The following JPH3 variants were observed in gnomAD, a reference collection of about 807,000 sequenced individuals.
JPH3 encodes the protein junctophilin-3.
A neutral mutation model predicts 59.6 loss-of-function variants in JPH3; 11 were observed. The observed-to-expected ratio is 0.18, with a 90% CI of 0.12 to 0.31. The LOEUF is 0.31. Ranked by LOEUF, JPH3 falls within the 10% of genes least tolerant of loss-of-function variation. The probability of loss-of-function intolerance (pLI) is 1.00; values close to 1 mark genes in which losing one functional copy is unlikely to be tolerated. For missense variants in JPH3, 1,202 were observed against 1,105.7 expected (o/e 1.09, Z -1.24); for synonymous variants, 673 against 483.6 (o/e 1.39, Z -5.14).
chr16:87,695,008 A>T (rs1046764985), intron 4 of JPH3: 2 of 303,158 alleles, frequency 6.6e-6, no homozygotes, highest in Admixed American at 8.9e-5. Context: ...TGCTGCCGGG[A>T]GTGTGTGCAC....
chr16:87,614,117 G>T (rs968770569), intron 1 of JPH3, among the ~76,000 whole-genome samples: 2 of 152,236 alleles, frequency 1.3e-5, no homozygotes, highest in African/African-American at 2.4e-5. Flanking sequence ...TTGTAAGCTT[G>T]GGGGACTGCC....
intron 1 of JPH3, among the ~76,000 whole-genome samples, chr16:87,618,506 A>C (rs1206186312): frequency 1.3e-5 from 2 of 152,168 alleles, no homozygotes; most frequent in African/African-American, 4.8e-5. Flanking sequence ...TGTCGTGCCC[A>C]TTTTACAGAC....
At chr16:87,674,320 G>A (rs911291141) in intron 2 of JPH3, among the ~76,000 whole-genome samples, 18 of 150,440 alleles carry the variant, frequency 1.2e-4, no homozygotes, top group Admixed American at 6.7e-5. Flanking sequence ...ACGACAGAGC[G>A]AGACTCCGTC....
intron 2 of JPH3, among the ~76,000 whole-genome samples, chr16:87,677,225 C>CACACACAAAAAAA (rs1271128667): frequency 1.2e-5 from 1 of 81,642 alleles, no homozygotes; most frequent in African/African-American, 4.3e-5. Context: ...CACACACACA[C>CACACACAAAAAAA]AAAAAAAAAA....
intron 2 of JPH3, among the ~76,000 whole-genome samples, chr16:87,646,071 A>G (rs2032139395): frequency 6.6e-6 from 1 of 152,158 alleles, no homozygotes. Context: ...TGGGCTGCCC[A>G]GGCAGGAGGC....
In JPH3 at chr16:87,644,568, G is replaced by T; in HGVS notation, c.693G>T (p.Lys231Asn). The T allele has an allele frequency of 6.2e-7, 1 of 1,612,930 alleles. No homozygotes were observed. The highest frequency in any genetic ancestry group is 8.5e-7 in the Non-Finnish European group (1 of 1,179,846). The change falls in exon 2 of 5, where the codon AAG becomes AAT. Residue 231 changes from lysine (K) to asparagine (N), a missense_variant. Coordinates refer to ENST00000284262, the MANE Select transcript of JPH3 (RefSeq NM_020655.4). ...SGLKLRKSES[K>N]SSLASQRSKQ... is the part of the protein sequence containing the mutation. Reference sequence around the variant, plus strand: ...TGAAGCTGCGCAAGTCGGAGTCCAAGAGCAGCCTGGCCAGCCAACGCAGCA... The same window carrying T: ...TGAAGCTGCGCAAGTCGGAGTCCAATAGCAGCCTGGCCAGCCAACGCAGCA...
chr16:87,658,167 G>C (rs1429888467), intron 2 of JPH3, among the ~76,000 whole-genome samples: 1 of 152,174 alleles, frequency 6.6e-6, no homozygotes, highest in Non-Finnish European at 1.5e-5. Flanking sequence ...CAGGTATTCA[G>C]CAAACAGTGA....
At chr16:87,655,473 C>A (rs966627902) in intron 2 of JPH3, among the ~76,000 whole-genome samples, 27 of 152,192 alleles carry the variant, frequency 1.8e-4, no homozygotes, top group Non-Finnish European at 4.0e-4. Flanking sequence ...CCCACCTCAG[C>A]CTCCTGAGTA....
chr16:87,677,192 A>G (rs2033166787), intron 2 of JPH3, among the ~76,000 whole-genome samples: 1 of 104,704 alleles, frequency 9.6e-6, no homozygotes, highest in African/African-American at 4.1e-5. Context: ...ATATACACAC[A>G]CACACACACA....
chr16:87,648,256 A>G (rs2032217512), intron 2 of JPH3, among the ~76,000 whole-genome samples: 1 of 150,146 alleles, frequency 6.7e-6, no homozygotes, highest in African/African-American at 2.5e-5. Flanking sequence ...AAAAAAGGAA[A>G]AAAAGGAGGG....
chr16:87,665,073 C>G (rs2032820114), intron 2 of JPH3, among the ~76,000 whole-genome samples: 1 of 152,250 alleles, frequency 6.6e-6, no homozygotes, highest in Non-Finnish European at 1.5e-5. Flanking sequence ...CCATCCGGCC[C>G]TCTTCCTTGC....
intron 1 of JPH3, among the ~76,000 whole-genome samples, chr16:87,633,478 T>A (rs867195362): frequency 4.2e-5 from 6 of 144,170 alleles, no homozygotes; most frequent in Non-Finnish European, 3.0e-5. Context: ...CCACTAAGAT[T>A]AACCAAAAAA....
chr16:87,630,420 G>A (rs2031527985), intron 1 of JPH3, among the ~76,000 whole-genome samples: 1 of 152,168 alleles, frequency 6.6e-6, no homozygotes, highest in African/African-American at 2.4e-5. Flanking sequence ...TCACGAACCT[G>A]CCCCTTCCTG....
intron 2 of JPH3, among the ~76,000 whole-genome samples, chr16:87,662,611 G>A (rs1200376428): frequency 6.6e-6 from 1 of 152,194 alleles, no homozygotes; most frequent in Non-Finnish European, 1.5e-5. Flanking sequence ...TGGCCCCCTG[G>A]TGGCCCCTCC....
At chr16:87,692,067 C>T (rs1005435443) in intron 4 of JPH3, among the ~76,000 whole-genome samples, 2 of 152,120 alleles carry the variant, frequency 1.3e-5, no homozygotes, top group African/African-American at 4.8e-5. Flanking sequence ...TGGTCCTGCC[C>T]GGTCTCCAGC....
intron 2 of JPH3, among the ~76,000 whole-genome samples, chr16:87,664,623 C>T (rs181850103): frequency 1.3e-5 from 2 of 152,276 alleles, no homozygotes; most frequent in African/African-American, 4.8e-5. Context: ...GAAACTCCGT[C>T]GCAAAAAATA....
At chr16:87,631,745 G>A (rs1431151476) in intron 1 of JPH3, among the ~76,000 whole-genome samples, 1 of 151,906 alleles carries the variant, frequency 6.6e-6, no homozygotes, top group Non-Finnish European at 1.5e-5. Flanking sequence ...TTTTCTTACT[G>A]TTTTGCCTAC....
At chr16:87,665,326 A>G (rs563471246) in intron 2 of JPH3, among the ~76,000 whole-genome samples, 82 of 152,270 alleles carry the variant, frequency 5.4e-4, no homozygotes, top group Middle Eastern at 6.8e-3. Context: ...GTTTCTCCCC[A>G]TTGTGCAGGG....
chr16:87,669,981 G>A (rs539890224), intron 2 of JPH3, among the ~76,000 whole-genome samples: 35 of 152,286 alleles, frequency 2.3e-4, no homozygotes, highest in African/African-American at 8.4e-4. Context: ...GTGGGGGCGG[G>A]GGTAATCCGA....
Sources: gnomAD v4.1 joint callset for allele counts (sites outside exome capture counted in the v4.1 genomes callset) on GRCh38, gnomAD v4.1.1 for gene constraint, MANE v1.5 for transcripts, NCBI Gene and HGNC (gene_info 2026-07-23, HGNC 2026-07-21) for gene names.